Variants in FHIT observed in about 807,000 individuals in gnomAD.
The protein encoded by FHIT is bis(5'-adenosyl)-triphosphatase.
FHIT carries 19 observed loss-of-function variants against 17.9 expected under a neutral mutation model. The ratio of observed to expected loss-of-function variants is 1.06; its 90% CI spans 0.74 to 1.56. FHIT has a LOEUF of 1.56. FHIT is among the 40% of genes most tolerant of loss of function. The pLI, the probability that FHIT is intolerant of heterozygous loss-of-function variation, is 0.00. For missense variants in FHIT, 248 were observed against 189.2 expected (o/e 1.31, Z -1.82); for synonymous variants, 81 against 69.7 (o/e 1.16, Z -0.81).
chr3:60,894,104 G>A (rs548513254), intron 3 of FHIT, among the ~76,000 whole-genome samples: 1 of 152,248 alleles, frequency 6.6e-6, no homozygotes, highest in African/African-American at 2.4e-5. Flanking sequence ...GCTTTTTATT[G>A]TGGGGATGGG....
chr3:60,112,088 GCTCATGAAAGCATCAATGTGT>G (rs1310495801), intron 5 of FHIT, among the ~76,000 whole-genome samples: 2 of 152,160 alleles, frequency 1.3e-5, no homozygotes, highest in African/African-American at 4.8e-5. Context: ...ATTTCTCTTT[GCTCATGAAAGCATCAATGTGT>G]CAGTTGGGTT....
At position 61,029,657 on chromosome 3, in the gene FHIT, A is replaced by C. The variant is rs2032914681; in HGVS notation, c.-111+12390T>G. ...TCTAAATGCACCACAACTGAGTTCA[A>C]CCAAATTAGAGAGAAAAGGTAGGAA... is the stretch of plus-strand genomic sequence containing the variant. On this transcript the variant is annotated intron_variant, in intron 3 of 9. Transcript: ENST00000492590. Among the ~76,000 whole-genome samples, 4 of 152,242 alleles carry C rather than the reference A, an allele frequency of 2.6e-5. No individual in the cohort carries two copies. In the South Asian group the frequency reaches 8.3e-4, roughly 31 times the overall value.
chr3:60,154,910 T>A (rs1464435586), intron 5 of FHIT, among the ~76,000 whole-genome samples: 4 of 152,104 alleles, frequency 2.6e-5, no homozygotes, highest in Non-Finnish European at 4.4e-5. Context: ...TGTTCAAGAA[T>A]AAGGACCAGG....
intron 5 of FHIT, among the ~76,000 whole-genome samples, chr3:60,017,450 T>A (rs1203289262): frequency 9.2e-5 from 14 of 152,174 alleles, no homozygotes; most frequent in African/African-American, 3.1e-4. Context: ...TGCTTCAAGG[T>A]GACTTGGGCT....
chr3:60,130,911 A>G (rs904240844), intron 5 of FHIT, among the ~76,000 whole-genome samples: 1 of 144,178 alleles, frequency 6.9e-6, no homozygotes, highest in Non-Finnish European at 1.6e-5. Flanking sequence ...ATATACACAT[A>G]TATGTATACA....
chr3:60,222,222 T>G (rs368660487), intron 5 of FHIT, among the ~76,000 whole-genome samples: 16 of 141,244 alleles, frequency 1.1e-4, no homozygotes, highest in Non-Finnish European at 2.3e-4. Flanking sequence ...ATGCATTCAT[T>G]CATTCATTCA....
chr3:60,967,869 C>CTT (rs1217875579), intron 3 of FHIT, among the ~76,000 whole-genome samples: 4 of 152,094 alleles, frequency 2.6e-5, no homozygotes, highest in African/African-American at 9.7e-5. Flanking sequence ...TAAGAGGGCT[C>CTT]AGCCATATTC....
intron 5 of FHIT, among the ~76,000 whole-genome samples, chr3:60,170,380 A>G (rs1213759311): frequency 6.6e-6 from 1 of 152,156 alleles, no homozygotes; most frequent in Non-Finnish European, 1.5e-5. Flanking sequence ...TATCCCCACT[A>G]TTTGAGCCAA....
chr3:60,492,246 A>G (rs2034096943), intron 5 of FHIT, among the ~76,000 whole-genome samples: 1 of 152,344 alleles, frequency 6.6e-6, no homozygotes, highest in African/African-American at 2.4e-5. Flanking sequence ...GCAAGACAAC[A>G]GTAGCTATCT....
chr3:60,782,206 G>A (rs1700414754), intron 4 of FHIT, among the ~76,000 whole-genome samples: 1 of 137,836 alleles, frequency 7.3e-6, no homozygotes, highest in Non-Finnish European at 1.6e-5. Flanking sequence ...TTTTAAGGCT[G>A]AAGAATATTT....
At chr3:61,119,311 C>T (rs1290905605) in intron 2 of FHIT, among the ~76,000 whole-genome samples, 1 of 152,048 alleles carries the variant, frequency 6.6e-6, no homozygotes, top group East Asian at 1.9e-4. Context: ...CTCCACCTCC[C>T]AGGGTCAAGC....
intron 4 of FHIT, among the ~76,000 whole-genome samples, chr3:60,794,035 A>G (rs1328658085): frequency 1.3e-5 from 2 of 152,182 alleles, no homozygotes; most frequent in Non-Finnish European, 2.9e-5. Flanking sequence ...ATAAGGTTGG[A>G]GAATTCAAAA....
chr3:60,584,203 A>C (rs541396709), intron 4 of FHIT, among the ~76,000 whole-genome samples: 1 of 152,074 alleles, frequency 6.6e-6, no homozygotes, highest in Non-Finnish European at 1.5e-5. Context: ...GCCAGTTGAC[A>C]TGAGTTGATA....
intron 5 of FHIT, among the ~76,000 whole-genome samples, chr3:60,267,606 C>A (rs1457714580): frequency 1.3e-5 from 2 of 152,094 alleles, no homozygotes; most frequent in Non-Finnish European, 2.9e-5. Context: ...ACTATAAAAT[C>A]CCAGTCTGAG....
chr3:60,553,028 A>G (rs2036612089), intron 4 of FHIT, among the ~76,000 whole-genome samples: 1 of 152,194 alleles, frequency 6.6e-6, no homozygotes, highest in Non-Finnish European at 1.5e-5. Flanking sequence ...CGCCCTGTCC[A>G]GGGTGGGCTC....
At chr3:60,382,712 T>C (rs1700857548) in intron 5 of FHIT, among the ~76,000 whole-genome samples, 1 of 152,184 alleles carries the variant, frequency 6.6e-6, no homozygotes, top group African/African-American at 2.4e-5. Flanking sequence ...CACTTAGGAA[T>C]TGTTTTTTGG....
chr3:61,172,333 A>G, intron 2 of FHIT, among the ~76,000 whole-genome samples: 1 of 152,222 alleles, frequency 6.6e-6, no homozygotes, highest in Middle Eastern at 3.2e-3. Flanking sequence ...ATGCAAGGGG[A>G]AAAATGCAAG....
intron 3 of FHIT, among the ~76,000 whole-genome samples, chr3:60,966,606 G>A (rs1376020771): frequency 6.6e-6 from 1 of 152,138 alleles, no homozygotes; most frequent in East Asian, 1.9e-4. Flanking sequence ...TTTAAATGGT[G>A]GAAATGAATG....
intron 7 of FHIT, among the ~76,000 whole-genome samples, chr3:59,985,895 G>C (rs1289563647): frequency 6.6e-6 from 1 of 151,842 alleles, no homozygotes; most frequent in East Asian, 1.9e-4. Context: ...TTGACACTTA[G>C]GATACATTTA....
Sources: allele counts gnomAD v4.1 joint callset (sites outside exome capture counted in the v4.1 genomes callset), GRCh38; gene constraint gnomAD v4.1.1; transcripts MANE v1.5; gene names NCBI Gene and HGNC (gene_info 2026-07-23, HGNC 2026-07-21).